IGSF1: variants seen among roughly 807,000 people sequenced by gnomAD.
IGSF1 encodes the protein immunoglobulin-like domain-containing protein 1.
IGSF1 carries 40 observed loss-of-function variants against 95.3 expected under a neutral mutation model. The ratio of observed to expected loss-of-function variants is 0.42; its 90% CI spans 0.33 to 0.55. IGSF1 has a LOEUF of 0.55. Among genes scored for constraint, IGSF1 ranks in the 20% least tolerant of loss-of-function variants. The probability of loss-of-function intolerance (pLI) is 0.10; values close to 1 mark genes in which losing one functional copy is unlikely to be tolerated. For synonymous variants in IGSF1, 372 were observed against 382.9 expected, an observed-to-expected ratio of 0.97 and a Z score of 0.33; for missense variants, 906 against 1,025.4, an observed-to-expected ratio of 0.88 and a Z score of 1.59.
rs772100852 is a variant in IGSF1, at chrX:131,283,035, A to G, written c.897T>C (p.Tyr299=). 8.3e-7 allele frequency: 1 copy of G among 1,205,885 alleles called. No individual in the cohort carries two copies. Among genetic ancestry groups the G allele is most frequent in the Non-Finnish European group, 1.1e-6 (1 of 890,886 alleles). ...GGAGTGAACCTCTATATGATGCGTC[A>G]TAGTAAAAACAGAGGTAATGTCCAG... ...QDTGHYLCFY[Y]DASYRGSLLS... The change falls in exon 6 of 20, where the codon TAT becomes TAC. Residue 299 remains tyrosine, a synonymous_variant. Transcript: ENST00000361420.
In IGSF1 at chrX:131,284,420, T is replaced by C. The variant is rs954021394; in HGVS notation, c.667+759A>G. On this transcript the variant is annotated intron_variant, in intron 5 of 19. Transcript: ENST00000361420. ...CCACACAGGGAGGCAGTGTCAGAAA[T>C]AGAACTAGAAACCAGTATTACTGCT... The C allele has an allele frequency of 2.4e-5, 13 of 545,223 alleles. No individual in the cohort carries two copies. The African/African-American group carries it at 3.1e-4, about 13-fold the overall frequency. 44.9% of individuals were successfully genotyped at this position (545,223 alleles called of 1,213,427 possible).
chrX:131,284,455 A>C (rs2080604763), intron 5 of IGSF1: 1 of 693,669 alleles, frequency 1.4e-6, no homozygotes, highest in Non-Finnish European at 1.7e-6. Context: ...TTCTAAGTCT[A>C]GGGTACTTTC....
In IGSF1 at chrX:131,286,648, C is replaced by T; in HGVS notation, c.27G>A (p.Gly9=). The change falls in exon 2 of 20, where the codon GGG becomes GGA. Residue 9 remains glycine, a synonymous_variant. Coordinates refer to ENST00000361420, the MANE Select transcript of IGSF1 (RefSeq NM_001555.5). The part of the protein sequence containing the change: MTLDRPGE[G]ATMLKTFTVL... Reference sequence around the variant, plus strand: ...CAGTGAATGTCTTCAGCATGGTGGCCCCCTCCCCTGGTCTGTCCAGGGTCA... The same window carrying T: ...CAGTGAATGTCTTCAGCATGGTGGCTCCCTCCCCTGGTCTGTCCAGGGTCA... The T allele has an allele frequency of 8.3e-7, 1 of 1,202,885 alleles. No homozygotes were observed. The highest frequency in any genetic ancestry group is 1.1e-6 in the Non-Finnish European group (1 of 892,492).
At chrX:131,282,162 C>T (rs1343243704) in intron 7 of IGSF1, among the ~76,000 whole-genome samples, 3 of 111,450 alleles carry the variant, frequency 2.7e-5, no homozygotes, top group Non-Finnish European at 5.6e-5. Flanking sequence ...GACCTCATAC[C>T]TGTAAGCTTC....
At chrX:131,274,249 CGTGT>C (rs2080450144) in intron 18 of IGSF1, 43 bp from the exon 19 acceptor site, 1 of 1,201,070 alleles carries the variant, frequency 8.3e-7, no homozygotes, top group African/African-American at 1.8e-5. Context: ...TGGAGATTAG[CGTGT>C]GTATGTTCCC....
intron 1 of IGSF1, among the ~76,000 whole-genome samples, chrX:131,287,077 G>T (rs28374478): frequency 9.5e-6 from 1 of 105,701 alleles, no homozygotes; most frequent in South Asian, 4.1e-4. Flanking sequence ...ATATACGTAT[G>T]TTTATATACG....
intron 1 of IGSF1, among the ~76,000 whole-genome samples, chrX:131,288,408 G>A (rs756886583): frequency 2.2e-4 from 25 of 111,628 alleles, no homozygotes; most frequent in Admixed American, 3.8e-4. Context: ...GCCAAAGCTT[G>A]GATGCTACCC....
At position 131,277,066 on chromosome X, in the gene IGSF1, C is replaced by T. The variant is rs772868171; in HGVS notation, c.2481G>A (p.Pro827=). The change falls in exon 14 of 20, where the codon CCG becomes CCA. Residue 827 remains proline, a synonymous_variant. Coordinates refer to ENST00000361420, the MANE Select transcript of IGSF1 (RefSeq NM_001555.5). Reference sequence around the variant, plus strand: ...TTAGAAAGTGAGCTGCACTGGCCCCCGGACTTGCCCAGGACCTGTCACTGG... The same window carrying T: ...TTAGAAAGTGAGCTGCACTGGCCCCTGGACTTGCCCAGGACCTGTCACTGG... ...IASSDRSWAS[P]GASAAHFLII... is the part of the protein sequence containing the mutation. The T allele has an allele frequency of 8.3e-7, 1 of 1,211,129 alleles. No homozygotes were observed. Among genetic ancestry groups the T allele is most frequent in the Non-Finnish European group, 1.1e-6 (1 of 895,153 alleles).
At position 131,282,971 on chromosome X, in the gene IGSF1, G is replaced by A. The variant is rs1161465160; in HGVS notation, c.952+9C>T. 26 of 1,182,522 alleles carry A rather than the reference G, an allele frequency of 2.2e-5. No homozygotes were observed. Among genetic ancestry groups the A allele is most frequent in the Admixed American group, 8.8e-5 (4 of 45,533 alleles). Reference sequence around the variant, plus strand: ...TTAACCTAAGTTTCATGGCATACCCGTCTCTTACCAGTCACCCAGATTTTC... The same window carrying A: ...TTAACCTAAGTTTCATGGCATACCCATCTCTTACCAGTCACCCAGATTTTC... On this transcript the variant is annotated intron_variant, in intron 6 of 19. Coordinates refer to ENST00000361420, the MANE Select transcript of IGSF1 (RefSeq NM_001555.5).
At chrX:131,279,097 G>T in intron 11 of IGSF1, 46 bp downstream of exon 11, 1 of 1,126,170 alleles carries the variant, frequency 8.9e-7, no homozygotes, top group Non-Finnish European at 1.2e-6. Context: ...TAGTTATTTC[G>T]GATCTCCAGG....
rs764461220 is a variant in IGSF1, at chrX:131,282,642, C to T, written c.1048G>A (p.Val350Met). ...SLRCRGPVDG[V>M]GLALYKKGED... ...CCTTTCTTATAGAGTGCAAGACCCA[C>T]TCCATCCACTGGTCCTCGACACCGT... The change falls in exon 7 of 20, where the codon GTG (valine) becomes ATG (methionine). Residue 350 changes from valine (V) to methionine (M), a missense_variant. Val to Met is a conservative substitution (Grantham distance 21). Around this residue, in one of 5 missense-constraint regions of IGSF1, gnomAD observed 442 missense variants for 448.1 expected, o/e 0.99. Coordinates refer to ENST00000361420, the MANE Select transcript of IGSF1 (RefSeq NM_001555.5). 1.7e-6 allele frequency: 2 copies of T among 1,208,180 alleles called. No individual in the cohort carries two copies. The highest frequency in any genetic ancestry group is 4.4e-5 in the Admixed American group (2 of 45,748).
At position 131,283,249 on chromosome X, in the gene IGSF1, G is replaced by A; in HGVS notation, c.683C>T (p.Pro228Leu). 9 of 1,206,786 alleles carry A rather than the reference G, an allele frequency of 7.5e-6. No homozygotes were observed. The highest frequency in any genetic ancestry group is 9.0e-6 in the Non-Finnish European group (8 of 891,832). The change falls in exon 6 of 20, where the codon CCA (proline) becomes CTA (leucine). Residue 228 changes from proline (P) to leucine (L), a missense_variant. Pro to Leu is a moderately conservative substitution (Grantham distance 98). Around this residue, in one of 5 missense-constraint regions of IGSF1, gnomAD observed 442 missense variants for 448.1 expected, o/e 0.99. Transcript: ENST00000361420. Reference sequence around the variant, plus strand: ...GGGCCCAGGATGGGCTGTCAAAGTTGGTTTGGGGTAGAGTCCTACAAACGG... The same window carrying A: ...GGGCCCAGGATGGGCTGTCAAAGTTAGTTTGGGGTAGAGTCCTACAAACGG... Reference protein sequence around the residue: ...KLVVAGLYPKPTLTAHPGPIM... With the variant: ...KLVVAGLYPKLTLTAHPGPIM...
Position 131,282,851 on chromosome X carries a change from C to A in IGSF1, c.953-114G>T, listed in dbSNP as rs996434908. ...ACCCTTGGAAAAACCTGCCTACACC[C>A]AGTTTTACAAATTCTGCTCCCTTCT... On this transcript the variant is annotated intron_variant, in intron 6 of 19. Transcript: ENST00000361420. The A allele has an allele frequency of 3.2e-5, 30 of 942,825 alleles. 2 individuals carry two copies. The Admixed American group carries it at 3.9e-4, about 12-fold the overall frequency. The allele number at this position is 942,825 out of a possible 1,213,427, so 77.7% of individuals were successfully genotyped here.
chrX:131,286,882 C>G, intron 1 of IGSF1, 141 bp from the exon 2 acceptor site: 1 of 342,911 alleles, frequency 2.9e-6, no homozygotes, highest in South Asian at 1.0e-4. Flanking sequence ...GCTGCTTCCT[C>G]TCCTTGCTCC....
chrX:131,282,813 C>G, intron 6 of IGSF1, 76 bp from the exon 7 acceptor site: 1 of 1,044,674 alleles, frequency 9.6e-7, no homozygotes. Context: ...TTTTCCTTCT[C>G]TTCCTCCAAA....
At chrX:131,277,409 C>A in intron 13 of IGSF1, 183 bp from the exon 14 acceptor site, 2 of 434,862 alleles carry the variant, frequency 4.6e-6, no homozygotes, top group Non-Finnish European at 7.7e-6. Context: ...CACACAGGGA[C>A]CCTTCAACCC....
At chrX:131,283,745 C>A (rs2080594534) in intron 5 of IGSF1, among the ~76,000 whole-genome samples, 1 of 112,261 alleles carries the variant, frequency 8.9e-6, no homozygotes, top group African/African-American at 3.2e-5. Context: ...AAGTCTGCGA[C>A]CCAAATAAAT....
At chrX:131,278,387 C>G in intron 12 of IGSF1, 74 bp downstream of exon 12, 13 of 989,874 alleles carry the variant, frequency 1.3e-5, no homozygotes, top group Non-Finnish European at 1.7e-5. Context: ...AGTTCATTCC[C>G]TCACTCCCAG....
At chrX:131,285,147 T>C in intron 5 of IGSF1, 32 bp downstream of exon 5, 2 of 1,145,577 alleles carry the variant, frequency 1.7e-6, no homozygotes, top group Non-Finnish European at 2.3e-6. Context: ...GGACAACAAT[T>C]GCCAGATGCC....
Sources: gnomAD v4.1 joint callset for allele counts (sites outside exome capture counted in the v4.1 genomes callset) on GRCh38, gnomAD v4.1.1 for gene constraint, gnomAD v4.1.1 regional missense constraint, MANE v1.5 for transcripts, NCBI Gene and HGNC (gene_info 2026-07-23, HGNC 2026-07-21) for gene names.